The following NCAPG2 variants were observed in gnomAD, a reference collection of about 807,000 sequenced individuals.
The protein encoded by NCAPG2 is non-SMC condensin II complex subunit G2, also known as condensin-2 complex subunit G2.
NCAPG2 carries 53 observed loss-of-function variants against 141.1 expected under a neutral mutation model. That is an observed-to-expected ratio of 0.38 (90% CI 0.30 to 0.47). The LOEUF is 0.47. Among genes scored for constraint, NCAPG2 ranks in the 20% least tolerant of loss-of-function variants. The pLI is 0.99. For missense variants in NCAPG2, 1,087 were observed against 1,389.0 expected, an observed-to-expected ratio of 0.78 and a Z score of 3.46; for synonymous variants, 499 against 490.7, an observed-to-expected ratio of 1.02 and a Z score of -0.22.
intron 22 of NCAPG2, 118 bp from the exon 23 acceptor site, chr7:158,652,598 G>A: frequency 1.2e-6 from 1 of 869,092 alleles, no homozygotes; most frequent in African/African-American, 1.7e-5. Context: ...ATTACACTTT[G>A]GTATTTGGTG....
At chr7:158,652,878 C>T (rs567435736) in intron 22 of NCAPG2, among the ~76,000 whole-genome samples, 2 of 152,268 alleles carry the variant, frequency 1.3e-5, no homozygotes, top group African/African-American at 4.8e-5. Flanking sequence ...ATGAAACTGG[C>T]TACACTGGAG....
At chr7:158,679,581 A>C (rs1834316124) in intron 11 of NCAPG2, among the ~76,000 whole-genome samples, 1 of 152,216 alleles carries the variant, frequency 6.6e-6, no homozygotes, top group Non-Finnish European at 1.5e-5. Context: ...CCAAAGCCAC[A>C]TACCTATTAA....
At chr7:158,667,493 G>A (rs78027591) in intron 13 of NCAPG2, among the ~76,000 whole-genome samples, 13 of 37,526 alleles carry the variant, frequency 3.5e-4, no homozygotes, top group Admixed American at 2.4e-3. Context: ...CCCTCCGCCC[G>A]CCTTACCCAC....
intron 13 of NCAPG2, among the ~76,000 whole-genome samples, chr7:158,669,378 C>T (rs1342726774): frequency 6.6e-6 from 1 of 152,182 alleles, no homozygotes; most frequent in African/African-American, 2.4e-5. Context: ...CTAATTTACA[C>T]TCCCACCAAC....
chr7:158,672,085 C>T (rs559962090), intron 12 of NCAPG2, among the ~76,000 whole-genome samples: 2 of 151,934 alleles, frequency 1.3e-5, no homozygotes, highest in African/African-American at 2.4e-5. Flanking sequence ...ACAGAGCCAG[C>T]GTGTGTGACT....
At position 158,655,163 on chromosome 7, in the gene NCAPG2, T is replaced by G. The variant is rs3214000; in HGVS notation, c.2601A>C (p.Glu867Asp). ...TGACCCTATGAAGCTTCAGGTAGTCTTCTTCTTGATCTTGAATAAAAGATA... is the reference window on the plus strand; with the variant it reads ...TGACCCTATGAAGCTTCAGGTAGTCGTCTTCTTGATCTTGAATAAAAGATA... ...KILSFIQDQEEDYLKLHRVIY... is the reference protein window; with the variant it reads ...KILSFIQDQEDDYLKLHRVIY... The change falls in exon 21 of 28, where the codon GAA becomes GAC. Residue 867 changes from glutamate (E) to aspartate (D), a missense_variant. By Grantham distance (45) the Glu-to-Asp change is conservative (BLOSUM62 2). Transcript: ENST00000356309. 5,710 of 1,613,990 alleles carry G rather than the reference T, an allele frequency of 3.5e-3. 280 individuals are homozygous for G. The East Asian group carries it at 0.1, about 29-fold the overall frequency.
At chr7:158,635,803 C>T (rs910976652) in intron 27 of NCAPG2, among the ~76,000 whole-genome samples, 35 of 152,202 alleles carry the variant, frequency 2.3e-4, no homozygotes, top group Non-Finnish European at 1.5e-4. Context: ...TCAAGCTCCA[C>T]TGCCTAAAAT....
chr7:158,653,378 T>A (rs1965870), intron 22 of NCAPG2, among the ~76,000 whole-genome samples: 2,925 of 37,988 alleles, frequency 0.077, 107 homozygotes, highest in African/African-American at 0.2. Flanking sequence ...AAAAAAAAAA[T>A]AAAAAAAAAA....
At chr7:158,654,362 G>A (rs116220873) in intron 22 of NCAPG2, among the ~76,000 whole-genome samples, 1,948 of 152,224 alleles carry the variant, frequency 0.013, 43 homozygotes, top group African/African-American at 0.044. Context: ...TGACCACAAG[G>A]ACAGGCAGAA....
At chr7:158,671,713 T>C (rs1833697338) in intron 12 of NCAPG2, 47 bp from the exon 13 acceptor site, 1 of 1,598,904 alleles carries the variant, frequency 6.3e-7, no homozygotes, top group Non-Finnish European at 8.5e-7. Context: ...AACATGCCAA[T>C]GAAAGGTTCA....
At chr7:158,639,026 G>A (rs6973125) in intron 27 of NCAPG2, among the ~76,000 whole-genome samples, 6,243 of 152,272 alleles carry the variant, frequency 0.041, 181 homozygotes, top group Admixed American at 0.075. Flanking sequence ...AAATTATACT[G>A]AGGTATTGGG....
Position 158,677,894 on chromosome 7 carries a change from T to G in NCAPG2, c.1146+2066A>C, listed in dbSNP as rs189952936. On this transcript the variant is annotated intron_variant, in intron 11 of 27. Transcript: ENST00000356309. Reference sequence around the variant, plus strand: ...GGCACAATGTCAGCTCACTGCAGCCTTGACCTTCCAGCCTCAAGTGATCCT... The same window carrying G: ...GGCACAATGTCAGCTCACTGCAGCCGTGACCTTCCAGCCTCAAGTGATCCT... 2.1e-3 allele frequency among the ~76,000 whole-genome samples: 317 copies of G among 152,170 alleles called. 2 individuals carry two copies. Among genetic ancestry groups the G allele is most frequent in the Non-Finnish European group, 2.9e-3 (200 of 68,018 alleles).
chr7:158,658,149 T>TAAAAAAAA (rs11444440), intron 17 of NCAPG2, among the ~76,000 whole-genome samples, 189 bp downstream of exon 17: 8 of 97,472 alleles, frequency 8.2e-5, no homozygotes, highest in Admixed American at 1.9e-4. Context: ...GAATGATCAA[T>TAAAAAAAA]AAAAAAAAAA....
At chr7:158,658,610 T>C (rs1832210364) in intron 16 of NCAPG2, among the ~76,000 whole-genome samples, 1 of 152,196 alleles carries the variant, frequency 6.6e-6, no homozygotes. Flanking sequence ...GTTATGGAAG[T>C]TTTATATAAC....
chr7:158,671,613 G>A lies in NCAPG2; in HGVS notation c.1380C>T (p.Leu460=). The A allele has an allele frequency of 1.2e-6, 2 of 1,614,160 alleles. No homozygotes were observed. The highest frequency in any genetic ancestry group is 1.7e-6 in the Non-Finnish European group (2 of 1,180,016). Residue 460 remains leucine, a synonymous_variant, in exon 13 of 28, where the codon CTC becomes CTT. Transcript: ENST00000356309. The part of the protein sequence containing the change: ...NKLSHPLLEQ[L]LPALRYSLHD... ...GGAGACTGTATCTGAGAGCTGGAAG[G>A]AGCTGCTCTAACAATGGGTGGCTCA...
intron 12 of NCAPG2, among the ~76,000 whole-genome samples, chr7:158,673,545 CTG>C (rs1833875803): frequency 6.6e-6 from 1 of 152,244 alleles, no homozygotes; most frequent in South Asian, 2.1e-4. Flanking sequence ...CTTTCCCAGG[CTG>C]TGTCACGGCT....
intron 2 of NCAPG2, among the ~76,000 whole-genome samples, chr7:158,694,880 C>T (rs531349212): frequency 5.9e-5 from 9 of 152,224 alleles, no homozygotes; most frequent in African/African-American, 1.7e-4. Flanking sequence ...ACCCTCCTCC[C>T]CTTCAATTCT....
chr7:158,640,637 T>G (rs1830579923), intron 27 of NCAPG2: 1 of 151,926 alleles, frequency 6.6e-6, no homozygotes. Context: ...AAAGTAGAAG[T>G]AAAAGACTCT....
Position 158,693,308 on chromosome 7 carries a change from C to T in NCAPG2, c.267+1G>A, listed in dbSNP as rs200125333. 4 of 1,597,868 alleles carry T rather than the reference C, an allele frequency of 2.5e-6. No homozygotes were observed. The highest frequency in any genetic ancestry group is 3.4e-6 in the Non-Finnish European group (4 of 1,176,518). The stretch of plus-strand genomic sequence containing the variant: ...TCTTATTTTTGAAAAACAAATACTA[C>T]CATTTTTGAGCCATGTTCGGTTTCC... On this transcript the variant is annotated splice_donor_variant, in intron 3 of 27. Coordinates refer to ENST00000356309, the MANE Select transcript of NCAPG2 (RefSeq NM_017760.7). LOFTEE classifies it high-confidence loss of function.
Sources: gnomAD v4.1 joint callset for allele counts (sites outside exome capture counted in the v4.1 genomes callset) on GRCh38, gnomAD v4.1.1 for gene constraint, MANE v1.5 for transcripts, NCBI Gene and HGNC (gene_info 2026-07-23, HGNC 2026-07-21) for gene names.